The following CEP192 variants were observed in gnomAD, a reference collection of about 807,000 sequenced individuals.
The protein encoded by CEP192 is centrosomal protein of 192 kDa.
Under a neutral mutation model 271.8 loss-of-function variants are expected in CEP192, and 151 were observed. That is an observed-to-expected ratio of 0.56 (90% CI 0.49 to 0.64). CEP192 has a LOEUF of 0.64. Among genes scored for constraint, CEP192 ranks in the 30% least tolerant of loss-of-function variants. CEP192 has a pLI of 0.00. For synonymous variants in CEP192, 995 were observed against 1,076.5 expected (o/e 0.92, Z 1.48); for missense variants, 2,910 against 3,020.5 (o/e 0.96, Z 0.86).
chr18:13,044,001 G>A (rs1160037504), intron 15 of CEP192, among the ~76,000 whole-genome samples: 1 of 152,026 alleles, frequency 6.6e-6, no homozygotes, highest in Non-Finnish European at 1.5e-5. Flanking sequence ...TCTGTGTTAT[G>A]AACAATCCAA....
intron 15 of CEP192, among the ~76,000 whole-genome samples, chr18:13,046,997 T>C (rs891229509): frequency 1.3e-5 from 2 of 152,228 alleles, no homozygotes; most frequent in Non-Finnish European, 2.9e-5. Context: ...CATTTCATTT[T>C]AAAAGTTGGC....
chr18:13,107,164 G>T (rs112874853), intron 40 of CEP192, among the ~76,000 whole-genome samples: 1 of 152,142 alleles, frequency 6.6e-6, no homozygotes, highest in African/African-American at 2.4e-5. Context: ...CGAGCATTTT[G>T]CCAAAGGTCA....
intron 18 of CEP192, among the ~76,000 whole-genome samples, chr18:13,054,298 A>T (rs1484926497): frequency 2.0e-5 from 3 of 152,180 alleles, no homozygotes; most frequent in Non-Finnish European, 4.4e-5. Flanking sequence ...GATCAGAGAG[A>T]TTTATGTGGG....
intron 2 of CEP192, 146 bp from the exon 3 acceptor site, chr18:13,001,311 C>A: frequency 3.5e-6 from 2 of 573,552 alleles, no homozygotes; most frequent in East Asian, 5.9e-5. Context: ...CCGTGCTTTG[C>A]ACAGAGGATG....
At position 13,049,661 on chromosome 18, in the gene CEP192, T is replaced by C; in HGVS notation, c.2870T>C (p.Ile957Thr). The C allele has an allele frequency of 1.9e-6, 3 of 1,609,976 alleles. No individual in the cohort carries two copies. The highest frequency in any genetic ancestry group is 2.7e-5 in the African/African-American group (2 of 74,804). Residue 957 changes from isoleucine to threonine, a missense_variant, in exon 16 of 45, where the codon ATA becomes ACA. By Grantham distance (89) the Ile-to-Thr change is moderately conservative. Transcript: ENST00000506447. ...EKHVTFENHR[I>T]VSPKNSDLKN... ...CATGTGACTTTTGAAAACCATCGCA[T>C]AGTCTCACCTAAAAATAGTGGTAAG...
rs933944581 is a variant in CEP192 at position 13,049,316 on chromosome 18, C to A, written c.2525C>A (p.Ala842Glu). The change falls in exon 16 of 45, where the codon GCA (alanine) becomes GAA (glutamate). Residue 842 changes from alanine to glutamate, a missense_variant. Ala to Glu is a moderately radical substitution (Grantham distance 107). Coordinates refer to ENST00000506447, the MANE Select transcript of CEP192 (RefSeq NM_032142.4). ...GTGAGGGCACCAGAAGAAAACACAGCAGCTATTGTTTATGTTGAAAATGGA... is the reference window on the plus strand; with the variant it reads ...GTGAGGGCACCAGAAGAAAACACAGAAGCTATTGTTTATGTTGAAAATGGA... The part of the protein sequence containing the change: ...VSVRAPEENT[A>E]AIVYVENGES... 2 of 1,614,070 alleles carry A rather than the reference C, an allele frequency of 1.2e-6. No individual in the cohort carries two copies. Among genetic ancestry groups the A allele is most frequent in the East Asian group, 4.5e-5 (2 of 44,870 alleles).
rs752117506 is a variant in CEP192 at position 13,100,442 on chromosome 18, G to T, written c.6801G>T (p.Pro2267=). Residue 2267 remains proline, a synonymous_variant, in exon 38 of 45, where the codon CCG becomes CCT. Transcript: ENST00000506447. ...ATTTGGTCAAACCAATGACAAAACC[G>T]CCTTCCACAAAAGTTGAAATAAGAA... The part of the protein sequence containing the change: ...VSHLVKPMTK[P]PSTKVEIRNK... The T allele has an allele frequency of 8.1e-6, 13 of 1,613,846 alleles. No individual in the cohort carries two copies. Among genetic ancestry groups the T allele is most frequent in the South Asian group, 1.1e-5 (1 of 91,090 alleles).
At chr18:13,084,995 T>G (rs1598555715) in intron 30 of CEP192, among the ~76,000 whole-genome samples, 1 of 151,572 alleles carries the variant, frequency 6.6e-6, no homozygotes, top group Admixed American at 6.6e-5. Context: ...TTTTGGGTTT[T>G]TTTTTTTTTT....
In CEP192 at chr18:13,018,569, TCA is replaced by T. The variant is rs1166557562; in HGVS notation, c.882_883del (p.His294GlnfsTer4). On this transcript the variant is annotated frameshift_variant, in exon 8 of 45. Transcript: ENST00000506447. LOFTEE classifies it high-confidence loss of function. ...SLDSHSSETTHKESEESQVIC... is the reference protein window; with the variant it reads ...SLDSHSSETTXKESEESQVIC... ...TCGACTCACACTCTTCTGAAACAAC[TCA>T]CAAAGAGTCTGAGGAAAGCCAAGTT... 6.5e-7 allele frequency: 1 copy of T among 1,542,044 alleles called. No individual in the cohort carries two copies. The highest frequency in any genetic ancestry group is 8.8e-7 in the Non-Finnish European group (1 of 1,140,540).
chr18:13,011,741 C>G (rs970199431), intron 4 of CEP192, among the ~76,000 whole-genome samples: 3 of 152,146 alleles, frequency 2.0e-5, no homozygotes, highest in Non-Finnish European at 4.4e-5. Context: ...CTAGGCTGGT[C>G]TCGAACTCCT....
Position 13,017,195 on chromosome 18 carries a change from T to A in CEP192, c.648T>A (p.Asp216Glu), listed in dbSNP as rs1345909755. 6.5e-7 allele frequency: 1 copy of A among 1,542,856 alleles called. No individual in the cohort carries two copies. The highest frequency in any genetic ancestry group is 8.7e-7 in the Non-Finnish European group (1 of 1,144,418). Reference sequence around the variant, plus strand: ...TCTCGATTTTATCAATAGATGATGATATTGATGATGAAATGTTTTATGATG... The same window carrying A: ...TCTCGATTTTATCAATAGATGATGAAATTGATGATGAAATGTTTTATGATG... The part of the protein sequence containing the change: ...PTSLEDSSDD[D>E]IDDEMFYDDH... The change falls in exon 7 of 45, where the codon GAT (aspartate) becomes GAA (glutamate). Residue 216 changes from aspartate to glutamate, a missense_variant. Transcript: ENST00000506447.
At chr18:13,011,546 A>G (rs2034362111) in intron 4 of CEP192, among the ~76,000 whole-genome samples, 1 of 151,926 alleles carries the variant, frequency 6.6e-6, no homozygotes, top group Non-Finnish European at 1.5e-5. Context: ...TTTTTGAGAC[A>G]GAGTCTTGCT....
At chr18:13,017,423 C>T in intron 7 of CEP192, 87 bp downstream of exon 7, 2 of 953,680 alleles carry the variant, frequency 2.1e-6, no homozygotes, top group Admixed American at 3.4e-5. Context: ...AAATGTAAGC[C>T]TTTGGACTTT....
At chr18:13,113,843 C>T (rs1263564724) in intron 41 of CEP192, 138 bp downstream of exon 41, 3 of 880,308 alleles carry the variant, frequency 3.4e-6, no homozygotes, top group Non-Finnish European at 5.0e-6. Flanking sequence ...TATTAATTGG[C>T]ATGTTTGAGG....
intron 15 of CEP192, among the ~76,000 whole-genome samples, chr18:13,046,226 A>G (rs1211800464): frequency 2.6e-5 from 4 of 152,168 alleles, no homozygotes; most frequent in Non-Finnish European, 5.9e-5. Context: ...ACACACTTCA[A>G]ACAACCAGGT....
chr18:13,053,319 C>G (rs766994597), intron 18 of CEP192, among the ~76,000 whole-genome samples: 1 of 152,164 alleles, frequency 6.6e-6, no homozygotes, highest in African/African-American at 2.4e-5. Context: ...TGGTGAGGCA[C>G]GCTGTGTAAT....
At chr18:13,058,867 C>T (rs1381801216) in intron 20 of CEP192, 5 of 554,228 alleles carry the variant, frequency 9.0e-6, no homozygotes, top group Middle Eastern at 4.9e-4. Flanking sequence ...ACTGGGGAGA[C>T]AGCCTTGGTG....
intron 21 of CEP192, among the ~76,000 whole-genome samples, chr18:13,061,234 A>T (rs1270577378): frequency 6.6e-6 from 1 of 151,892 alleles, no homozygotes; most frequent in African/African-American, 2.4e-5. Flanking sequence ...GATGCAGGAG[A>T]ATTGCTTGAA....
chr18:13,020,980 A>G (rs775786712), intron 9 of CEP192, among the ~76,000 whole-genome samples: 1 of 152,098 alleles, frequency 6.6e-6, no homozygotes, highest in African/African-American at 2.4e-5. Flanking sequence ...GTCCTTACCA[A>G]ATGTATGAAT....
Sources: gnomAD v4.1 joint callset for allele counts (sites outside exome capture counted in the v4.1 genomes callset) on GRCh38, gnomAD v4.1.1 for gene constraint, MANE v1.5 for transcripts, NCBI Gene and HGNC (gene_info 2026-07-23, HGNC 2026-07-21) for gene names.